The following NIPAL3 variants were observed in gnomAD, a reference collection of about 807,000 sequenced individuals.
NIPAL3 encodes NIPA-like protein 3.
Under a neutral mutation model 47.2 loss-of-function variants are expected in NIPAL3, and 41 were observed. The ratio of observed to expected loss-of-function variants is 0.87; its 90% CI spans 0.68 to 1.13. The LOEUF is 1.13. NIPAL3 is among the 50% of genes most tolerant of loss of function. The pLI, the probability that NIPAL3 is intolerant of heterozygous loss-of-function variation, is 0.00. For missense variants in NIPAL3, 449 were observed against 530.1 expected (o/e 0.85, Z 1.50); for synonymous variants, 194 against 209.6 (o/e 0.93, Z 0.64).
chr1:24,431,270 C>T (rs561216720), intron 2 of NIPAL3, among the ~76,000 whole-genome samples: 1 of 152,260 alleles, frequency 6.6e-6, no homozygotes, highest in South Asian at 2.1e-4. Flanking sequence ...GGTTTTACAA[C>T]TTGGCAATGT....
rs1646946624 is a variant in NIPAL3 at position 24,472,766 on chromosome 1, G to A, written c.*3581G>A. The A allele has an allele frequency of 6.6e-6, 1 of 152,154 alleles. No homozygotes were observed. Among genetic ancestry groups the A allele is most frequent in the Non-Finnish European group, 1.5e-5 (1 of 68,032 alleles). The allele number at this position is 152,154 out of a possible 1,614,324, so 9.4% of individuals were successfully genotyped here. A position where few individuals can be genotyped will look rare whatever the true frequency, so the allele number is the denominator to read the frequency against. On this transcript the variant is annotated 3_prime_UTR_variant, in exon 12 of 12. Transcript: ENST00000374399. The stretch of plus-strand genomic sequence containing the variant: ...GGCAGCCTTCCATGTGAATTCCAAA[G>A]CTGTTTCAACACTGGCTGATAGGCA...
intron 8 of NIPAL3, among the ~76,000 whole-genome samples, chr1:24,456,951 C>T (rs1318411080): frequency 6.6e-6 from 1 of 152,010 alleles, no homozygotes; most frequent in Non-Finnish European, 1.5e-5. Flanking sequence ...TTAGTAGAGA[C>T]GAGATTTCAC....
At chr1:24,420,833 G>C (rs1434494615) in intron 2 of NIPAL3, among the ~76,000 whole-genome samples, 1 of 152,158 alleles carries the variant, frequency 6.6e-6, no homozygotes, top group African/African-American at 2.4e-5. Flanking sequence ...TGTAAACCAT[G>C]AACATCCTGG....
chr1:24,465,815 C>T, intron 11 of NIPAL3: 8 of 738,446 alleles, frequency 1.1e-5, no homozygotes, highest in South Asian at 2.5e-5. Context: ...ATGGTAGATG[C>T]CTGGTTATAT....
intron 2 of NIPAL3, among the ~76,000 whole-genome samples, chr1:24,431,098 A>C (rs1039007600): frequency 2.6e-5 from 4 of 152,222 alleles, no homozygotes; most frequent in African/African-American, 9.7e-5. Context: ...GCTTAGGAAT[A>C]TTCCAACAAG....
At chr1:24,448,800 T>C (rs1286286570) in intron 5 of NIPAL3, among the ~76,000 whole-genome samples, 1 of 152,150 alleles carries the variant, frequency 6.6e-6, no homozygotes, top group Non-Finnish European at 1.5e-5. Flanking sequence ...ATTCCACCTC[T>C]CATTTTATAC....
rs1643993143 is a variant in NIPAL3 at position 24,415,816 on chromosome 1, T to G, written c.-346T>G. The G allele has an allele frequency of 1.0e-6, 1 of 984,104 alleles. No homozygotes were observed. 61.0% of individuals were successfully genotyped at this position (984,104 alleles called of 1,614,324 possible). On this transcript the variant is annotated 5_prime_UTR_variant, in exon 1 of 12. It removes an upstream start codon present in the reference 5' UTR. Coordinates refer to ENST00000374399, the MANE Select transcript of NIPAL3 (RefSeq NM_020448.5). Reference sequence around the variant, plus strand: ...TTGGCAGCTCTGAATTGGGAAGGGATGAAGGAGGCTGTGCCTCCGGGTTGC... The same window carrying G: ...TTGGCAGCTCTGAATTGGGAAGGGAGGAAGGAGGCTGTGCCTCCGGGTTGC...
intron 2 of NIPAL3, among the ~76,000 whole-genome samples, chr1:24,437,168 C>T (rs557347538): frequency 5.9e-5 from 9 of 152,186 alleles, no homozygotes; most frequent in Non-Finnish European, 1.2e-4. Context: ...AGGAGAATGG[C>T]GTGAACCCGG....
At chr1:24,442,357 GC>G in intron 4 of NIPAL3, 131 bp downstream of exon 4, 2 of 936,834 alleles carry the variant, frequency 2.1e-6, no homozygotes, top group South Asian at 3.6e-5. Flanking sequence ...AATACAAAGG[GC>G]TTCAGACACA....
intron 5 of NIPAL3, among the ~76,000 whole-genome samples, chr1:24,445,518 C>T (rs999285102): frequency 6.6e-6 from 1 of 152,106 alleles, no homozygotes; most frequent in African/African-American, 2.4e-5. Context: ...TTTTAGGAGG[C>T]CTAAGAAAAG....
chr1:24,427,761 T>C (rs1250734663), intron 2 of NIPAL3, among the ~76,000 whole-genome samples: 1 of 152,188 alleles, frequency 6.6e-6, no homozygotes, highest in Non-Finnish European at 1.5e-5. Context: ...TAGCACACCA[T>C]GTGCTCCATC....
At chr1:24,415,943 T>C in intron 1 of NIPAL3, 39 bp downstream of exon 1, 1 of 984,408 alleles carries the variant, frequency 1.0e-6, no homozygotes, top group Non-Finnish European at 1.2e-6. Context: ...GGGAATTGAA[T>C]TTAACCTTCG....
At chr1:24,453,649 G>A in intron 7 of NIPAL3, 145 bp downstream of exon 7, 1 of 677,470 alleles carries the variant, frequency 1.5e-6, no homozygotes. Context: ...CAGTGGCTCT[G>A]GGGAGCTGGG....
chr1:24,443,229 G>GA (rs1167757209), intron 4 of NIPAL3, among the ~76,000 whole-genome samples: 8 of 150,124 alleles, frequency 5.3e-5, no homozygotes, highest in Admixed American at 1.3e-4. Flanking sequence ...AACAGAATTA[G>GA]AAAAAAAAAA....
chr1:24,466,066 C>T, intron 11 of NIPAL3: 1 of 1,612,116 alleles, frequency 6.2e-7, no homozygotes, highest in Non-Finnish European at 8.5e-7. Context: ...AAATTTACCA[C>T]ATCACAATTT....
chr1:24,430,245 T>C (rs993866813), intron 2 of NIPAL3, among the ~76,000 whole-genome samples: 2 of 151,588 alleles, frequency 1.3e-5, no homozygotes, highest in African/African-American at 4.9e-5. Context: ...CTTTTTTTTT[T>C]TTTTCCTTTT....
At chr1:24,441,776 C>G (rs1645397699) in intron 3 of NIPAL3, among the ~76,000 whole-genome samples, 1 of 152,146 alleles carries the variant, frequency 6.6e-6, no homozygotes, top group Non-Finnish European at 1.5e-5. Flanking sequence ...TCATCCACAC[C>G]TCTCCGAGAC....
chr1:24,432,569 T>C (rs2294522), intron 2 of NIPAL3, among the ~76,000 whole-genome samples: 35,395 of 152,152 alleles, frequency 0.23, 4,659 homozygotes, highest in East Asian at 0.45. Flanking sequence ...TTATATATTA[T>C]ATAGTTTGAC....
At chr1:24,426,825 T>A (rs767237984) in intron 2 of NIPAL3, among the ~76,000 whole-genome samples, 1 of 152,180 alleles carries the variant, frequency 6.6e-6, no homozygotes, top group Non-Finnish European at 1.5e-5. Context: ...GTTGGGAACC[T>A]GATTGGGTGT....
Sources: gnomAD v4.1 joint callset for allele counts (sites outside exome capture counted in the v4.1 genomes callset) on GRCh38, gnomAD v4.1.1 for gene constraint, MANE v1.5 for transcripts, NCBI Gene and HGNC (gene_info 2026-07-23, HGNC 2026-07-21) for gene names.